The following ARB2A variants were observed in gnomAD, a reference collection of about 807,000 sequenced individuals.
The protein encoded by ARB2A is cotranscriptional regulator ARB2A.
the ARB2A span, among the ~76,000 whole-genome samples, chr5:93,753,070 G>A: frequency 6.6e-6 from 1 of 152,136 alleles, no homozygotes; most frequent in African/African-American, 2.4e-5. Context: ...CTCAAAAGTA[G>A]TACAGTATCA....
the ARB2A span, among the ~76,000 whole-genome samples, chr5:93,963,021 A>G: frequency 6.6e-6 from 1 of 152,098 alleles, no homozygotes; most frequent in South Asian, 2.1e-4. Context: ...CCCTAGAACT[A>G]GAAGTATTAT....
the ARB2A span, among the ~76,000 whole-genome samples, chr5:93,622,133 G>C: frequency 1.3e-5 from 2 of 152,148 alleles, no homozygotes; most frequent in African/African-American, 4.8e-5. Flanking sequence ...CCCTGTGATG[G>C]CTTATGTAGC....
At chr5:93,965,744 C>T in the ARB2A span, among the ~76,000 whole-genome samples, 3 of 151,858 alleles carry the variant, frequency 2.0e-5, no homozygotes, top group East Asian at 3.9e-4. Flanking sequence ...TTTTATGAAA[C>T]AAAATCACAG....
chr5:93,678,585 G>A, the ARB2A span, among the ~76,000 whole-genome samples: 65 of 152,152 alleles, frequency 4.3e-4, 1 homozygote, highest in African/African-American at 1.5e-3. Flanking sequence ...GTGAAACCCC[G>A]TCTTTATTAA....
chr5:94,109,854 CTTAAT>C, the ARB2A span, among the ~76,000 whole-genome samples: 2 of 151,146 alleles, frequency 1.3e-5, no homozygotes, highest in African/African-American at 4.9e-5. Context: ...TCTCTCTCCC[CTTAAT>C]TTATTTTTCT....
chr5:93,791,129 C>T, the ARB2A span, among the ~76,000 whole-genome samples: 5 of 152,182 alleles, frequency 3.3e-5, no homozygotes, highest in Non-Finnish European at 7.3e-5. Flanking sequence ...CCCATCTCCA[C>T]CCCTACTTCC....
At chr5:94,058,952 C>T in the ARB2A span, among the ~76,000 whole-genome samples, 1 of 152,088 alleles carries the variant, frequency 6.6e-6, no homozygotes, top group Non-Finnish European at 1.5e-5. Flanking sequence ...TTCCTTCTCT[C>T]TCTCGCTCCC....
chr5:93,784,197 A>C, the ARB2A span: 1 of 512,252 alleles, frequency 2.0e-6, no homozygotes, highest in Non-Finnish European at 3.5e-6. Context: ...GGAGCTTTCA[A>C]AAATATTAGG....
chr5:93,984,992 T>C, the ARB2A span, among the ~76,000 whole-genome samples: 2 of 152,230 alleles, frequency 1.3e-5, no homozygotes, highest in Non-Finnish European at 1.5e-5. Flanking sequence ...GTATTCACCC[T>C]CATTCTATCT....
chr5:93,640,486 T>C, the ARB2A span, among the ~76,000 whole-genome samples: 7 of 151,964 alleles, frequency 4.6e-5, no homozygotes, highest in South Asian at 1.0e-3. Context: ...CCTTACCTTA[T>C]GGATACATGG....
chr5:93,971,247 C>T, the ARB2A span, among the ~76,000 whole-genome samples: 4 of 152,120 alleles, frequency 2.6e-5, no homozygotes, highest in African/African-American at 4.8e-5. Context: ...ATCCGCCCGC[C>T]TCGGCCTCCC....
chr5:94,079,653 T>A, the ARB2A span, among the ~76,000 whole-genome samples: 1 of 152,182 alleles, frequency 6.6e-6, no homozygotes, highest in Non-Finnish European at 1.5e-5. Context: ...TAGGAAGTAT[T>A]ACAATTTGGA....
chr5:93,725,779 G>T, the ARB2A span, among the ~76,000 whole-genome samples: 3 of 152,028 alleles, frequency 2.0e-5, no homozygotes, highest in South Asian at 6.2e-4. Context: ...GATTAAATTG[G>T]TTGTACCAGA....
chr5:93,634,426 A>G, the ARB2A span, among the ~76,000 whole-genome samples: 1 of 151,368 alleles, frequency 6.6e-6, no homozygotes, highest in African/African-American at 2.4e-5. Context: ...AAAACAAAAA[A>G]CAAAAACCAC....
At chr5:93,984,395 C>T in the ARB2A span, among the ~76,000 whole-genome samples, 26 of 152,104 alleles carry the variant, frequency 1.7e-4, no homozygotes, top group Non-Finnish European at 3.2e-4. Context: ...AGGGTAATAA[C>T]AATTTGCTTT....
the ARB2A span, among the ~76,000 whole-genome samples, chr5:93,850,204 GTCTT>G: frequency 6.6e-6 from 1 of 152,242 alleles, no homozygotes; most frequent in Non-Finnish European, 1.5e-5. Context: ...GTCCAAGAAA[GTCTT>G]TCTAGTTGTA....
the ARB2A span, among the ~76,000 whole-genome samples, chr5:93,996,107 C>T: frequency 6.6e-6 from 1 of 152,008 alleles, no homozygotes; most frequent in South Asian, 2.1e-4. Context: ...CACATCACTT[C>T]TGAAATTATT....
chr5:93,693,379 C>T, the ARB2A span, among the ~76,000 whole-genome samples: 1 of 152,134 alleles, frequency 6.6e-6, no homozygotes, highest in Non-Finnish European at 1.5e-5. Context: ...GATATCACCA[C>T]TGATTTCACA....
chr5:93,861,695 A>G, the ARB2A span: 1 of 152,324 alleles, frequency 6.6e-6, no homozygotes, highest in South Asian at 2.1e-4. Flanking sequence ...AGCTTGATAC[A>G]TACAGTTTTT....
Sources: allele counts gnomAD v4.1 joint callset (sites outside exome capture counted in the v4.1 genomes callset), GRCh38; gene constraint gnomAD v4.1.1; transcripts MANE v1.5; gene names NCBI Gene and HGNC (gene_info 2026-07-23, HGNC 2026-07-21).